DCUN1D4: variants seen among roughly 807,000 people sequenced by gnomAD.
DCUN1D4 encodes defective in cullin neddylation 1 domain containing 4.
DCUN1D4 carries 22 observed loss-of-function variants against 47.9 expected under a neutral mutation model. The ratio of observed to expected loss-of-function variants is 0.46; its 90% CI spans 0.33 to 0.66. DCUN1D4 has a LOEUF of 0.66. DCUN1D4 is among the 30% of genes least tolerant of loss of function. DCUN1D4 has a pLI of 0.02. For synonymous variants in DCUN1D4, 121 were observed against 112.2 expected (o/e 1.08, Z -0.50); for missense variants, 301 against 340.8 (o/e 0.88, Z 0.92).
intron 8 of DCUN1D4, among the ~76,000 whole-genome samples, chr4:51,906,158 G>T (rs188117058): frequency 6.6e-6 from 1 of 152,222 alleles, no homozygotes; most frequent in Admixed American, 6.5e-5. Context: ...TAATCTTGTG[G>T]CAGGTTAGAG....
chr4:51,860,860 A>G (rs968183162), intron 1 of DCUN1D4, among the ~76,000 whole-genome samples: 2 of 152,196 alleles, frequency 1.3e-5, no homozygotes, highest in Non-Finnish European at 2.9e-5. Flanking sequence ...TCACCATCAT[A>G]GGCTAAAAGA....
intron 3 of DCUN1D4, among the ~76,000 whole-genome samples, chr4:51,867,522 C>A (rs1404754671): frequency 6.6e-6 from 1 of 152,150 alleles, no homozygotes; most frequent in East Asian, 1.9e-4. Context: ...TTTCAGCAGA[C>A]CCAAAGTGGG....
chr4:51,837,746 G>C, the DCUN1D4 span, among the ~76,000 whole-genome samples: 1 of 148,944 alleles, frequency 6.7e-6, no homozygotes, highest in East Asian at 2.0e-4. Context: ...ATCCAGGAGA[G>C]GCAAAAAAAA....
chr4:51,896,170 T>A lies in DCUN1D4; in HGVS notation c.507-3100T>A, dbSNP rs535513706. 1.9e-4 allele frequency among the ~76,000 whole-genome samples: 29 copies of A among 152,304 alleles called. 3 individuals carry two copies. The highest frequency in any genetic ancestry group is 6.7e-4 in the African/African-American group (28 of 41,572). ...ACCAGAGTTAGTAATATTACTTGTG[T>A]TTTTTATGTTTAAAGCACAAGAACT... is the stretch of plus-strand genomic sequence containing the variant. On this transcript the variant is annotated intron_variant, in intron 7 of 10. Transcript: ENST00000334635.
At position 51,866,964 on chromosome 4, in the gene DCUN1D4, T is replaced by C. The variant is rs138478123; in HGVS notation, c.136+3255T>C. Among the ~76,000 whole-genome samples the C allele has an allele frequency of 2.8e-3, 431 of 152,320 alleles. 1 individual carries two copies. Among genetic ancestry groups the C allele is most frequent in the African/African-American group, 9.9e-3 (411 of 41,580 alleles). ...CAGGCAGGCTGCACTCAGTTCTCAC[T>C]ACTGGCCTGGATCCCACACCTGCCA... On this transcript the variant is annotated intron_variant, in intron 3 of 10. Coordinates refer to ENST00000334635, the MANE Select transcript of DCUN1D4 (RefSeq NM_001040402.3).
At chr4:51,875,763 T>C (rs1346337121) in intron 4 of DCUN1D4, among the ~76,000 whole-genome samples, 2 of 152,242 alleles carry the variant, frequency 1.3e-5, no homozygotes, top group African/African-American at 4.8e-5. Context: ...TTTTTGAGAT[T>C]CTTGCATGAA....
chr4:51,842,977 C>T, upstream of DCUN1D4: 7 of 1,149,376 alleles, frequency 6.1e-6, no homozygotes, highest in Non-Finnish European at 8.0e-6. Context: ...GGAGACAAGG[C>T]CCCAGGACCA....
At chr4:51,901,973 C>T (rs1371958604) in intron 8 of DCUN1D4, among the ~76,000 whole-genome samples, 3 of 152,120 alleles carry the variant, frequency 2.0e-5, no homozygotes, top group Admixed American at 1.3e-4. Flanking sequence ...TGTATCTTCA[C>T]AGATTTTGAG....
intron 7 of DCUN1D4, among the ~76,000 whole-genome samples, chr4:51,897,582 T>A (rs1731462710): frequency 6.6e-6 from 1 of 152,192 alleles, no homozygotes; most frequent in Non-Finnish European, 1.5e-5. Context: ...TTTGTAAAAA[T>A]AACCAATAAG....
At chr4:51,885,226 G>C (rs1260819524) in intron 5 of DCUN1D4, among the ~76,000 whole-genome samples, 1 of 152,174 alleles carries the variant, frequency 6.6e-6, no homozygotes, top group Non-Finnish European at 1.5e-5. Context: ...GGGTCGGGGG[G>C]AAAAGACTCT....
At position 51,850,375 on chromosome 4, in the gene DCUN1D4, C is replaced by T. The variant is rs1472178784; in HGVS notation, c.25+7108C>T. Among the ~76,000 whole-genome samples, 6 of 152,166 alleles carry T rather than the reference C, an allele frequency of 3.9e-5. No homozygotes were observed. The South Asian group carries it at 1.0e-3, about 26-fold the overall frequency. The stretch of plus-strand genomic sequence containing the variant: ...CTGTGGCCTGTAGACATGCAGGGCT[C>T]GGGTTTTCTCCCTGGATGTGATGAT... On this transcript the variant is annotated intron_variant, in intron 1 of 10. Transcript: ENST00000334635.
intron 3 of DCUN1D4, among the ~76,000 whole-genome samples, chr4:51,865,957 C>T (rs939190276): frequency 1.3e-5 from 2 of 152,200 alleles, no homozygotes; most frequent in African/African-American, 4.8e-5. Context: ...TTTCAGCTTG[C>T]TCCACTGCAG....
At chr4:51,844,726 G>A (rs905167102) in intron 1 of DCUN1D4, among the ~76,000 whole-genome samples, 1 of 151,878 alleles carries the variant, frequency 6.6e-6, no homozygotes, top group Non-Finnish European at 1.5e-5. Context: ...TTCCTTTAGG[G>A]TTTGTCTCCA....
chr4:51,855,955 A>C (rs1724074516), intron 1 of DCUN1D4, among the ~76,000 whole-genome samples: 2 of 152,176 alleles, frequency 1.3e-5, no homozygotes, highest in Admixed American at 1.3e-4. Flanking sequence ...TTCTTTTCCC[A>C]TATCACGTGG....
chr4:51,868,097 C>T, intron 3 of DCUN1D4, among the ~76,000 whole-genome samples: 1 of 152,256 alleles, frequency 6.6e-6, no homozygotes, highest in East Asian at 1.9e-4. Context: ...CAACTTTACT[C>T]TGATAACGGA....
intron 8 of DCUN1D4, among the ~76,000 whole-genome samples, chr4:51,902,887 C>G (rs955646318): frequency 2.0e-5 from 3 of 151,850 alleles, no homozygotes; most frequent in Non-Finnish European, 4.4e-5. Context: ...TCTGGGTGTT[C>G]CAGTATACAT....
At chr4:51,842,715 CCG>C, upstream of DCUN1D4, among the ~76,000 whole-genome samples, 1 of 152,174 alleles carries the variant, frequency 6.6e-6, no homozygotes, top group East Asian at 1.9e-4. Context: ...CTGGTACGAG[CCG>C]CCCCCAACTG....
intron 8 of DCUN1D4, chr4:51,905,207 A>G (rs759745346): frequency 2.4e-5 from 11 of 455,432 alleles, no homozygotes; most frequent in African/African-American, 2.2e-4. Flanking sequence ...GATGCTTGAG[A>G]GCTGAAAGGA....
chr4:51,888,840 C>T (rs1729965004), intron 6 of DCUN1D4, among the ~76,000 whole-genome samples: 1 of 152,046 alleles, frequency 6.6e-6, no homozygotes, highest in Non-Finnish European at 1.5e-5. Context: ...GGCGTGGTGG[C>T]TCACGCCTGT....
Sources: gnomAD v4.1 joint callset for allele counts (sites outside exome capture counted in the v4.1 genomes callset) on GRCh38, gnomAD v4.1.1 for gene constraint, MANE v1.5 for transcripts, NCBI Gene and HGNC (gene_info 2026-07-23, HGNC 2026-07-21) for gene names.